The following RIT2 variants were observed in gnomAD, a reference collection of about 807,000 sequenced individuals.
RIT2 encodes the protein Ras like without CAAX 2.
RIT2 carries 24 observed loss-of-function variants against 23.7 expected under a neutral mutation model. That is an observed-to-expected ratio of 1.01 (90% CI 0.73 to 1.43). RIT2 has a LOEUF of 1.43. Among genes scored for constraint, RIT2 ranks in the 40% most tolerant of loss-of-function variants. RIT2 has a pLI of 0.00. For missense variants in RIT2, 236 were observed against 266.9 expected (o/e 0.88, Z 0.81); for synonymous variants, 107 against 91.1 (o/e 1.17, Z -0.99).
intron 2 of RIT2, among the ~76,000 whole-genome samples, chr18:42,990,748 T>C (rs936575790): frequency 6.6e-6 from 1 of 152,190 alleles, no homozygotes; most frequent in African/African-American, 2.4e-5. Context: ...GTGATGCTTA[T>C]TTAATTTGCA....
intron 2 of RIT2, among the ~76,000 whole-genome samples, 163 bp from the exon 3 acceptor site, chr18:42,974,310 A>G (rs193070380): frequency 6.6e-6 from 1 of 152,172 alleles, no homozygotes; most frequent in Non-Finnish European, 1.5e-5. Context: ...AGGAAAATAT[A>G]GGAGAAAGTG....
intron 2 of RIT2, among the ~76,000 whole-genome samples, chr18:43,016,927 T>C (rs899834598): frequency 2.0e-5 from 3 of 151,908 alleles, no homozygotes; most frequent in African/African-American, 7.2e-5. Context: ...AATTAAAAGC[T>C]TTAAGCAGAA....
intron 4 of RIT2, among the ~76,000 whole-genome samples, chr18:42,760,591 G>T (rs147822429): frequency 2.6e-5 from 4 of 152,312 alleles, no homozygotes; most frequent in African/African-American, 9.6e-5. Context: ...TCCTGTTTAA[G>T]AGGATGGTTG....
chr18:42,929,057 A>ATATATATATATATATATATATATATC (rs1312366760), intron 3 of RIT2, among the ~76,000 whole-genome samples: 1 of 145,730 alleles, frequency 6.9e-6, no homozygotes, highest in African/African-American at 2.5e-5. Context: ...ATATATATAT[A>ATATATATATATATATATATATATATC]TTTATATGAG....
chr18:42,983,597 C>T (rs886603264), intron 2 of RIT2, among the ~76,000 whole-genome samples: 9 of 151,924 alleles, frequency 5.9e-5, no homozygotes, highest in African/African-American at 2.2e-4. Flanking sequence ...TTGAAAATCA[C>T]ATATTTGACA....
chr18:43,112,581 T>C (rs1913979227), intron 1 of RIT2, among the ~76,000 whole-genome samples: 1 of 152,124 alleles, frequency 6.6e-6, no homozygotes, highest in African/African-American at 2.4e-5. Flanking sequence ...AAGTTTCTAT[T>C]AAAAAATATT....
chr18:43,057,822 T>G (rs2144318349), intron 1 of RIT2, among the ~76,000 whole-genome samples: 1 of 151,202 alleles, frequency 6.6e-6, no homozygotes, highest in Non-Finnish European at 1.5e-5. Context: ...TTTTATCATC[T>G]AAGGCAGAAC....
intron 2 of RIT2, among the ~76,000 whole-genome samples, chr18:42,986,057 T>A (rs904251760): frequency 6.6e-6 from 1 of 151,324 alleles, no homozygotes; most frequent in Non-Finnish European, 1.5e-5. Flanking sequence ...TTTTTTTTTT[T>A]AGATGGAGTG....
intron 4 of RIT2, among the ~76,000 whole-genome samples, chr18:42,906,001 TATATA>T: frequency 6.4e-4 from 1 of 1,572 alleles, no homozygotes. Flanking sequence ...TGTATATATA[TATATA>T]CATATATATA....
intron 4 of RIT2, among the ~76,000 whole-genome samples, chr18:42,788,195 C>G (rs905541316): frequency 1.3e-5 from 2 of 152,070 alleles, no homozygotes; most frequent in Admixed American, 1.3e-4. Context: ...TACAAAACAG[C>G]TAGATTCTTA....
intron 4 of RIT2, among the ~76,000 whole-genome samples, chr18:42,780,047 G>GTTTTTTTTTTTTTTT (rs71175923): frequency 5.0e-5 from 3 of 59,596 alleles, no homozygotes; most frequent in Non-Finnish European, 6.1e-5. Flanking sequence ...CAATTTAGAG[G>GTTTTTTTTTTTTTTT]TTTTTTTTTT....
chr18:42,998,984 T>G (rs1324667657), intron 2 of RIT2, among the ~76,000 whole-genome samples: 1 of 152,082 alleles, frequency 6.6e-6, no homozygotes, highest in African/African-American at 2.4e-5. Flanking sequence ...AGTTCTACAA[T>G]GTGTTAACTC....
At chr18:43,059,891 G>A (rs940434477) in intron 1 of RIT2, among the ~76,000 whole-genome samples, 2 of 152,048 alleles carry the variant, frequency 1.3e-5, no homozygotes, top group African/African-American at 4.8e-5. Flanking sequence ...TGATTTTAAA[G>A]GATGTCCTAG....
intron 3 of RIT2, among the ~76,000 whole-genome samples, chr18:42,962,434 T>C (rs949731915): frequency 3.6e-4 from 55 of 152,220 alleles, no homozygotes; most frequent in African/African-American, 1.2e-3. Flanking sequence ...GATAAGATTA[T>C]ATTTTAACTT....
chr18:42,758,346 A>T (rs1913213934), intron 4 of RIT2, among the ~76,000 whole-genome samples: 1 of 152,162 alleles, frequency 6.6e-6, no homozygotes, highest in South Asian at 2.1e-4. Context: ...ATGGTTTTGC[A>T]AAAGTACCAT....
At chr18:42,788,010 A>C (rs1421998042) in intron 4 of RIT2, among the ~76,000 whole-genome samples, 1 of 151,964 alleles carries the variant, frequency 6.6e-6, no homozygotes, top group African/African-American at 2.4e-5. Context: ...AATTTAAATT[A>C]TCAAATTTTA....
chr18:43,083,746 A>G (rs531763052), intron 1 of RIT2, among the ~76,000 whole-genome samples: 1 of 152,330 alleles, frequency 6.6e-6, no homozygotes, highest in South Asian at 2.1e-4. Context: ...AAGTGGACTA[A>G]AGAATTAAAT....
chr18:43,006,516 G>A (rs555208566), intron 2 of RIT2, among the ~76,000 whole-genome samples: 270 of 151,692 alleles, frequency 1.8e-3, no homozygotes, highest in Non-Finnish European at 3.4e-3. Flanking sequence ...GGAGAATTAG[G>A]AAGTAAGGTT....
At chr18:42,775,659 T>A (rs1913652654) in intron 4 of RIT2, among the ~76,000 whole-genome samples, 1 of 151,644 alleles carries the variant, frequency 6.6e-6, no homozygotes, top group African/African-American at 2.4e-5. Flanking sequence ...ATCGCGCCAC[T>A]GCACTCCAGC....
Sources: gnomAD v4.1 joint callset for allele counts (sites outside exome capture counted in the v4.1 genomes callset) on GRCh38, gnomAD v4.1.1 for gene constraint, MANE v1.5 for transcripts, NCBI Gene and HGNC (gene_info 2026-07-23, HGNC 2026-07-21) for gene names.